OR14I1: variants seen among roughly 807,000 people sequenced by gnomAD.
OR14I1 encodes olfactory receptor 14I1.
For synonymous variants in OR14I1, 118 were observed against 71.1 expected (o/e 1.66, Z -3.32); for missense variants, 279 against 181.8 (o/e 1.53, Z -3.07).
chr1:248,686,828 A>G (rs1246623163), upstream of OR14I1, among the ~76,000 whole-genome samples: 1 of 152,284 alleles, frequency 6.6e-6, no homozygotes, highest in East Asian at 1.9e-4. Flanking sequence ...GATGATAAAG[A>G]AACAGTTCTG....
At chr1:248,678,764 A>G (rs1661515980), downstream of OR14I1, among the ~76,000 whole-genome samples, 1 of 152,180 alleles carries the variant, frequency 6.6e-6, no homozygotes, top group Non-Finnish European at 1.5e-5. Context: ...CATTGTCTGA[A>G]GGAACTATTA....
chr1:248,695,804 G>T, the OR14I1 span, among the ~76,000 whole-genome samples: 1 of 152,176 alleles, frequency 6.6e-6, no homozygotes, highest in African/African-American at 2.4e-5. Flanking sequence ...ATACTTAAAA[G>T]AAATACAGTA....
chr1:248,693,194 G>A, the OR14I1 span, among the ~76,000 whole-genome samples: 1 of 152,154 alleles, frequency 6.6e-6, no homozygotes, highest in African/African-American at 2.4e-5. Context: ...AGCCTCCCAC[G>A]TCACCTGGGT....
upstream of OR14I1, among the ~76,000 whole-genome samples, chr1:248,685,183 T>C (rs6703300): frequency 0.83 from 125,181 of 151,564 alleles, 52,135 homozygotes; most frequent in Middle Eastern, 0.9. Flanking sequence ...ACCTCACATA[T>C]TAAAGTAATA....
upstream of OR14I1, among the ~76,000 whole-genome samples, chr1:248,682,692 G>T (rs1661586698): frequency 3.3e-5 from 5 of 152,034 alleles, no homozygotes; most frequent in South Asian, 1.0e-3. Context: ...CCAATAATTT[G>T]CTTTTCATAC....
chr1:248,681,776 G>A (rs141659105), exon 1 of OR14I1: 113 of 780,954 alleles, frequency 1.4e-4, no homozygotes, highest in Non-Finnish European at 2.1e-4. Flanking sequence ...GGGATGTCAC[G>A]GAAGAACTGG....
chr1:248,684,511 G>T (rs1661610751), upstream of OR14I1, among the ~76,000 whole-genome samples: 1 of 152,110 alleles, frequency 6.6e-6, no homozygotes, highest in African/African-American at 2.4e-5. Context: ...CATATGTGAG[G>T]ATGTTTGCTC....
chr1:248,696,691 C>T, the OR14I1 span, among the ~76,000 whole-genome samples: 1 of 152,202 alleles, frequency 6.6e-6, no homozygotes, highest in African/African-American at 2.4e-5. Flanking sequence ...TCTGTGAGGC[C>T]TTTCCTGACC....
upstream of OR14I1, among the ~76,000 whole-genome samples, chr1:248,684,352 C>T (rs556144361): frequency 1.2e-4 from 19 of 152,336 alleles, no homozygotes; most frequent in African/African-American, 3.4e-4. Flanking sequence ...TGTGAAGGGA[C>T]GAAGCTCTTT....
At chr1:248,684,212 A>G (rs1373071781), upstream of OR14I1, among the ~76,000 whole-genome samples, 1 of 152,252 alleles carries the variant, frequency 6.6e-6, no homozygotes, top group African/African-American at 2.4e-5. Context: ...AAAGCTAATG[A>G]CCCAATAACA....
At chr1:248,700,760 T>C in the OR14I1 span, among the ~76,000 whole-genome samples, 1 of 152,232 alleles carries the variant, frequency 6.6e-6, no homozygotes, top group Non-Finnish European at 1.5e-5. Context: ...TAGAGTTTTT[T>C]TAAATCATTG....
At chr1:248,684,240 CT>C (rs1393892262), upstream of OR14I1, among the ~76,000 whole-genome samples, 1 of 152,216 alleles carries the variant, frequency 6.6e-6, no homozygotes, top group Non-Finnish European at 1.5e-5. Flanking sequence ...ATGTGTTCAA[CT>C]TTACTAGTTA....
chr1:248,681,964 G>T (rs748785443), exon 1 of OR14I1: 56 of 780,946 alleles, frequency 7.2e-5, no homozygotes, highest in Non-Finnish European at 1.3e-4. Flanking sequence ...AGACATGACA[G>T]TAAGGAAGGC....
chr1:248,679,354 G>A (rs1166886907), downstream of OR14I1, among the ~76,000 whole-genome samples: 2 of 151,792 alleles, frequency 1.3e-5, no homozygotes, highest in African/African-American at 2.4e-5. Context: ...GAGGGCTTCC[G>A]TGATGGTGAT....
the OR14I1 span, among the ~76,000 whole-genome samples, chr1:248,695,180 A>G: frequency 1.4e-3 from 212 of 149,716 alleles, 1 homozygote; most frequent in African/African-American, 5.0e-3. Context: ...AATTTTCAAA[A>G]TTACTTTTTA....
upstream of OR14I1, among the ~76,000 whole-genome samples, chr1:248,682,751 G>A (rs1352875384): frequency 6.6e-6 from 1 of 152,104 alleles, no homozygotes; most frequent in African/African-American, 2.4e-5. Flanking sequence ...TTTAACTGTG[G>A]TTATACATCC....
chr1:248,694,916 A>G, the OR14I1 span, among the ~76,000 whole-genome samples: 1 of 152,224 alleles, frequency 6.6e-6, no homozygotes, highest in Non-Finnish European at 1.5e-5. Context: ...GCTGTCCAGT[A>G]CAGTGGCCAC....
the OR14I1 span, among the ~76,000 whole-genome samples, chr1:248,696,474 AGTCGAC>A: frequency 2.0e-4 from 30 of 152,336 alleles, no homozygotes; most frequent in Non-Finnish European, 4.1e-4. Context: ...GCGGGGAATC[AGTCGAC>A]TTCTGTTCAC....
chr1:248,691,968 A>C, the OR14I1 span, among the ~76,000 whole-genome samples: 5 of 152,188 alleles, frequency 3.3e-5, no homozygotes, highest in Admixed American at 2.0e-4. Context: ...CCAGAGGCCG[A>C]GCTCACAGCG....
Sources: allele counts gnomAD v4.1 joint callset (sites outside exome capture counted in the v4.1 genomes callset), GRCh38; gene constraint gnomAD v4.1.1; transcripts MANE v1.5; gene names NCBI Gene and HGNC (gene_info 2026-07-23, HGNC 2026-07-21).